TENM4: variants seen among roughly 807,000 people sequenced by gnomAD.
TENM4 encodes the protein teneurin transmembrane protein 4.
A neutral mutation model predicts 243.3 loss-of-function variants in TENM4; 82 were observed. The observed-to-expected ratio is 0.34, with a 90% confidence interval of 0.28 to 0.40. TENM4 has a LOEUF of 0.40. TENM4 is among the 10% of genes least tolerant of loss of function. TENM4 has a pLI of 1.00. For missense variants in TENM4, 3,138 were observed against 3,673.3 expected (o/e 0.85, Z 3.77); for synonymous variants, 1,412 against 1,456.3 (o/e 0.97, Z 0.69).
intron 1 of TENM4, among the ~76,000 whole-genome samples, chr11:79,383,213 C>T (rs568359592): frequency 1.2e-4 from 18 of 152,304 alleles, no homozygotes; most frequent in Admixed American, 4.6e-4. Flanking sequence ...GCCTTGCCTC[C>T]GCCTTGCTTC....
intron 1 of TENM4, among the ~76,000 whole-genome samples, chr11:79,381,508 G>A (rs1324707023): frequency 2.0e-5 from 3 of 151,074 alleles, no homozygotes; most frequent in Admixed American, 6.6e-5. Context: ...CCACTCAAGC[G>A]TTCATTCAAC....
intron 1 of TENM4, among the ~76,000 whole-genome samples, chr11:79,357,563 G>C (rs1857518747): frequency 6.6e-6 from 1 of 152,176 alleles, no homozygotes; most frequent in Admixed American, 6.5e-5. Context: ...TCCTGCTCTT[G>C]AACATGGTGG....
chr11:79,111,805 A>G (rs1432806228), intron 4 of TENM4, among the ~76,000 whole-genome samples: 1 of 152,172 alleles, frequency 6.6e-6, no homozygotes, highest in East Asian at 1.9e-4. Context: ...ACAGAAGAAC[A>G]TGGGTCATAC....
chr11:79,228,208 C>T (rs773356516), intron 2 of TENM4, among the ~76,000 whole-genome samples: 23 of 152,174 alleles, frequency 1.5e-4, no homozygotes, highest in Non-Finnish European at 2.4e-4. Context: ...GCAGGCCCCT[C>T]GGGTGGTGGG....
intron 6 of TENM4, among the ~76,000 whole-genome samples, chr11:79,020,832 C>A (rs1452871887): frequency 6.6e-6 from 1 of 152,188 alleles, no homozygotes; most frequent in Non-Finnish European, 1.5e-5. Flanking sequence ...TGAGCACCTA[C>A]TCTATGTCAA....
At chr11:78,818,731 G>A (rs1451050275) in intron 12 of TENM4, among the ~76,000 whole-genome samples, 1 of 152,136 alleles carries the variant, frequency 6.6e-6, no homozygotes, top group Non-Finnish European at 1.5e-5. Context: ...TACTGTGGAT[G>A]TTCCCAATTA....
At chr11:79,097,287 C>G (rs1363378151) in intron 4 of TENM4, 1 of 152,192 alleles carries the variant, frequency 6.6e-6, no homozygotes, top group East Asian at 1.9e-4. Flanking sequence ...GGTTTTCTTT[C>G]CTTGGTTATG....
intron 2 of TENM4, among the ~76,000 whole-genome samples, chr11:79,269,986 A>C (rs1372674991): frequency 6.7e-6 from 1 of 150,156 alleles, no homozygotes; most frequent in Non-Finnish European, 1.5e-5. Context: ...TCCTCCCTCC[A>C]CTCCCAGCAG....
At chr11:79,124,241 A>G (rs973776372) in intron 4 of TENM4, among the ~76,000 whole-genome samples, 2 of 152,162 alleles carry the variant, frequency 1.3e-5, no homozygotes, top group Admixed American at 6.5e-5. Context: ...GATTGGATTG[A>G]AGGATACAAA....
intron 26 of TENM4, among the ~76,000 whole-genome samples, chr11:78,710,001 T>G (rs1243801589): frequency 6.6e-6 from 1 of 152,202 alleles, no homozygotes; most frequent in Non-Finnish European, 1.5e-5. Context: ...AATGAATCAG[T>G]ACCATGTGAG....
chr11:79,344,115 G>A (rs1311101670), intron 1 of TENM4, among the ~76,000 whole-genome samples: 1 of 152,194 alleles, frequency 6.6e-6, no homozygotes, highest in East Asian at 1.9e-4. Flanking sequence ...CCAGACCTAG[G>A]TGGGACAGTG....
intron 6 of TENM4, among the ~76,000 whole-genome samples, chr11:79,017,666 A>C (rs1403670340): frequency 6.6e-6 from 1 of 152,180 alleles, no homozygotes; most frequent in Non-Finnish European, 1.5e-5. Context: ...AGCATATTAC[A>C]CATTCAAGAT....
chr11:78,806,963 T>C (rs1217514797), intron 14 of TENM4, among the ~76,000 whole-genome samples: 2 of 152,246 alleles, frequency 1.3e-5, no homozygotes, highest in Non-Finnish European at 2.9e-5. Flanking sequence ...TATCTTTTTG[T>C]GATGGCTTAT....
chr11:79,319,819 T>C (rs753648012), intron 1 of TENM4, among the ~76,000 whole-genome samples: 2 of 152,046 alleles, frequency 1.3e-5, no homozygotes, highest in Non-Finnish European at 2.9e-5. Context: ...AAGAGGAGGA[T>C]CCCATGCTAA....
At chr11:79,103,255 C>G (rs961289985) in intron 4 of TENM4, among the ~76,000 whole-genome samples, 12 of 152,178 alleles carry the variant, frequency 7.9e-5, no homozygotes, top group African/African-American at 2.2e-4. Flanking sequence ...AGGACTCCCC[C>G]CTCCCCTGGG....
intron 2 of TENM4, among the ~76,000 whole-genome samples, chr11:79,220,618 C>A (rs1416463020): frequency 6.6e-6 from 1 of 152,112 alleles, no homozygotes; most frequent in Non-Finnish European, 1.5e-5. Flanking sequence ...ACAAATTTAC[C>A]AATTGAAGGA....
intron 1 of TENM4, among the ~76,000 whole-genome samples, chr11:79,346,331 T>C (rs1590896781): frequency 6.6e-6 from 1 of 152,160 alleles, no homozygotes; most frequent in Non-Finnish European, 1.5e-5. Flanking sequence ...GGTTACCTCA[T>C]TTATAAAATG....
At chr11:79,107,840 T>C (rs1861410570) in intron 4 of TENM4, among the ~76,000 whole-genome samples, 1 of 152,296 alleles carries the variant, frequency 6.6e-6, no homozygotes, top group South Asian at 2.1e-4. Context: ...TCAACCCTAT[T>C]TGAGCAAGAA....
intron 2 of TENM4, among the ~76,000 whole-genome samples, chr11:79,239,010 G>A (rs1864536260): frequency 6.7e-6 from 1 of 149,336 alleles, no homozygotes; most frequent in African/African-American, 2.4e-5. Flanking sequence ...CAGTAACAGA[G>A]CAAGACTCTG....
Sources: gnomAD v4.1 joint callset for allele counts (sites outside exome capture counted in the v4.1 genomes callset) on GRCh38, gnomAD v4.1.1 for gene constraint, MANE v1.5 for transcripts, NCBI Gene and HGNC (gene_info 2026-07-23, HGNC 2026-07-21) for gene names.